The following WDFY3 variants were observed in gnomAD, a reference collection of about 807,000 sequenced individuals.
WDFY3 encodes WD repeat and FYVE domain containing 3.
A neutral mutation model predicts 409.6 loss-of-function variants in WDFY3; 66 were observed. That is an observed-to-expected ratio of 0.16 (90% confidence interval 0.13 to 0.20). The LOEUF (loss-of-function observed/expected upper bound fraction) is 0.20. Ranked by LOEUF, WDFY3 falls within the 10% of genes least tolerant of loss-of-function variation. The pLI, the probability that WDFY3 is intolerant of heterozygous loss-of-function variation, is 1.00. For missense variants in WDFY3, 3,031 were observed against 4,298.1 expected (o/e 0.71, Z 8.24); for synonymous variants, 1,521 against 1,537.1 (o/e 0.99, Z 0.25).
At position 84,832,088 on chromosome 4, in the gene WDFY3, C is replaced by G. The variant is rs565575367; in HGVS notation, c.577-483G>C. ...CCAATAGCCAAAATTTAGAATCAAC[C>G]TAAGTATCCAACAGATGAATGGATA... On this transcript the variant is annotated intron_variant, in intron 7 of 67. Coordinates refer to ENST00000295888, the MANE Select transcript of WDFY3 (RefSeq NM_014991.6). 2.0e-5 allele frequency among the ~76,000 whole-genome samples: 3 copies of G among 152,172 alleles called. No homozygotes were observed. In the South Asian group the frequency reaches 6.2e-4, roughly 32 times the overall value.
intron 1 of WDFY3, among the ~76,000 whole-genome samples, chr4:84,952,967 T>C (rs1448534730): frequency 6.6e-6 from 1 of 152,130 alleles, no homozygotes; most frequent in African/African-American, 2.4e-5. Flanking sequence ...CCACCTCTAA[T>C]AGATGCATTC....
Position 84,775,078 on chromosome 4 carries a change from G to A in WDFY3, c.4579C>T (p.Leu1527Phe), listed in dbSNP as rs973150675. ...LSLFEHFIELLTESSEASKNA... is the reference protein window; with the variant it reads ...LSLFEHFIELFTESSEASKNA... ...ATTAATTAATACCTGGACTCTGTGA[G>A]CAGTTCAATAAAGTGTTCAAATAAG... is the stretch of plus-strand genomic sequence containing the variant. The change falls in exon 28 of 68, where the codon CTC (leucine) becomes TTC (phenylalanine). Residue 1527 changes from leucine (L) to phenylalanine (F), a missense_variant. Leu to Phe is a conservative substitution (Grantham distance 22). Coordinates refer to ENST00000295888, the MANE Select transcript of WDFY3 (RefSeq NM_014991.6). 8.1e-6 allele frequency: 13 copies of A among 1,613,488 alleles called. No individual in the cohort carries two copies. Among genetic ancestry groups the A allele is most frequent in the African/African-American group, 1.3e-5 (1 of 74,850 alleles).
At chr4:84,701,388 T>C (rs376617041) in intron 56 of WDFY3, among the ~76,000 whole-genome samples, 2 of 152,298 alleles carry the variant, frequency 1.3e-5, no homozygotes, top group East Asian at 3.9e-4. Context: ...ACATAAAAAT[T>C]ATCTTTAGAA....
chr4:84,764,738 A>G lies in WDFY3; in HGVS notation c.5188+1072T>C, dbSNP rs1220117494. The stretch of plus-strand genomic sequence containing the variant: ...CAAAAAATTAGCCGGGCGTGGTGGC[A>G]GGCGCCTGTAGTCCCAGCTACTCAG... On this transcript the variant is annotated intron_variant, in intron 32 of 67. Transcript: ENST00000295888. 5.3e-5 allele frequency among the ~76,000 whole-genome samples: 8 copies of G among 151,618 alleles called. No individual in the cohort carries two copies. The East Asian group carries it at 1.4e-3, about 26-fold the overall frequency.
intron 58 of WDFY3, among the ~76,000 whole-genome samples, chr4:84,695,511 G>GAGAT (rs1553918493): frequency 0.033 from 1,916 of 58,708 alleles, 36 homozygotes; most frequent in African/African-American, 0.14. Context: ...GAGAGAGATA[G>GAGAT]AGAGAGAGAG....
chr4:84,737,408 G>T, intron 40 of WDFY3, 42 bp from the exon 41 acceptor site: 2 of 1,513,164 alleles, frequency 1.3e-6, no homozygotes, highest in South Asian at 2.7e-5. Context: ...GTAAGCAAAT[G>T]ATCAAAACAC....
At chr4:84,728,548 T>C (rs1736042353) in intron 44 of WDFY3, among the ~76,000 whole-genome samples, 3 of 151,862 alleles carry the variant, frequency 2.0e-5, no homozygotes, top group African/African-American at 7.3e-5. Flanking sequence ...AATAAAAAAA[T>C]AAGATAGACT....
intron 7 of WDFY3, among the ~76,000 whole-genome samples, chr4:84,836,177 T>C (rs1342484898): frequency 6.6e-6 from 1 of 152,204 alleles, no homozygotes; most frequent in African/African-American, 2.4e-5. Context: ...TTTCCCTTAG[T>C]TCCTAGCCAC....
chr4:84,811,358 T>C (rs1297660891), intron 13 of WDFY3, among the ~76,000 whole-genome samples: 1 of 152,204 alleles, frequency 6.6e-6, no homozygotes, highest in East Asian at 1.9e-4. Flanking sequence ...GCACTTGCTA[T>C]GTACTAGGCA....
chr4:84,703,414 T>C (rs1731391513), intron 55 of WDFY3, among the ~76,000 whole-genome samples: 1 of 152,160 alleles, frequency 6.6e-6, no homozygotes, highest in Non-Finnish European at 1.5e-5. Flanking sequence ...GTTAACATGG[T>C]GTACCTGTCT....
chr4:84,694,262 C>G (rs574737849), intron 58 of WDFY3, among the ~76,000 whole-genome samples: 1 of 152,132 alleles, frequency 6.6e-6, no homozygotes, highest in Non-Finnish European at 1.5e-5. Context: ...AGCACTTTTA[C>G]GTGAGGACCT....
At chr4:84,901,442 A>G (rs893508967) in intron 2 of WDFY3, among the ~76,000 whole-genome samples, 1 of 152,176 alleles carries the variant, frequency 6.6e-6, no homozygotes, top group Admixed American at 6.5e-5. Flanking sequence ...AGGACTCTGT[A>G]GAGAGTCCCT....
Position 84,817,602 on chromosome 4 carries a change from A to G in WDFY3, c.1694-17T>C, listed in dbSNP as rs1196058453. 10 of 1,580,552 alleles carry G rather than the reference A, an allele frequency of 6.3e-6. No individual in the cohort carries two copies. Among genetic ancestry groups the G allele is most frequent in the Non-Finnish European group, 7.7e-6 (9 of 1,162,342 alleles). ...GAAAAATTCCTTGAAGGAAGGAGAAAAAGTCCAACAATGGCTACTTTAAAA... is the reference window on the plus strand; with the variant it reads ...GAAAAATTCCTTGAAGGAAGGAGAAGAAGTCCAACAATGGCTACTTTAAAA... On this transcript the variant is annotated splice_polypyrimidine_tract_variant and intron_variant, in intron 12 of 67. Transcript: ENST00000295888.
chr4:84,897,737 A>T (rs1303149270), intron 2 of WDFY3, among the ~76,000 whole-genome samples: 2 of 152,216 alleles, frequency 1.3e-5, no homozygotes, highest in Non-Finnish European at 2.9e-5. Context: ...TGGAGAGCCC[A>T]CAACACAGGA....
At chr4:84,868,351 G>T (rs1473576430) in intron 3 of WDFY3, among the ~76,000 whole-genome samples, 1 of 151,746 alleles carries the variant, frequency 6.6e-6, no homozygotes, top group Non-Finnish European at 1.5e-5. Context: ...AACAAACTGG[G>T]TATATAAACC....
At chr4:84,701,583 A>G (rs1029105835) in intron 56 of WDFY3, among the ~76,000 whole-genome samples, 6 of 152,232 alleles carry the variant, frequency 3.9e-5, no homozygotes, top group African/African-American at 9.6e-5. Flanking sequence ...CTCACATGGA[A>G]ACAATGGAAT....
chr4:84,870,351 C>A (rs1359270269), intron 3 of WDFY3, among the ~76,000 whole-genome samples: 1 of 152,090 alleles, frequency 6.6e-6, no homozygotes, highest in Non-Finnish European at 1.5e-5. Context: ...AAACAAACCC[C>A]AGAAATCCAG....
intron 1 of WDFY3, among the ~76,000 whole-genome samples, chr4:84,958,430 TA>T (rs1261122767): frequency 2.0e-5 from 3 of 152,238 alleles, no homozygotes; most frequent in Non-Finnish European, 4.4e-5. Flanking sequence ...AGTTTTTTTT[TA>T]AAAAATTCCA....
intron 3 of WDFY3, among the ~76,000 whole-genome samples, chr4:84,896,101 CA>C (rs990109538): frequency 1.3e-5 from 2 of 151,642 alleles, no homozygotes; most frequent in Admixed American, 1.3e-4. Flanking sequence ...ACTAAAAATA[CA>C]AAAATTAGCT....
Sources: allele counts gnomAD v4.1 joint callset (sites outside exome capture counted in the v4.1 genomes callset), GRCh38; gene constraint gnomAD v4.1.1; transcripts MANE v1.5; gene names NCBI Gene and HGNC (gene_info 2026-07-23, HGNC 2026-07-21).